The following BCR variants were observed in gnomAD, a reference collection of about 807,000 sequenced individuals.
BCR encodes BCR activator of RhoGEF and GTPase, also known as breakpoint cluster region protein.
BCR carries 58 observed loss-of-function variants against 138.6 expected under a neutral mutation model. The ratio of observed to expected loss-of-function variants is 0.42; its 90% confidence interval spans 0.34 to 0.52. BCR has a LOEUF of 0.52. Among genes scored for constraint, BCR ranks in the 20% least tolerant of loss-of-function variants. BCR has a pLI of 0.06. For missense variants in BCR, 1,599 were observed against 1,727.2 expected, an observed-to-expected ratio of 0.93 and a Z score of 1.32; for synonymous variants, 786 against 730.1, an observed-to-expected ratio of 1.08 and a Z score of -1.23.
At chr22:23,199,304 A>C (rs1223360666) in intron 1 of BCR, 1 of 518,822 alleles carries the variant, frequency 1.9e-6, no homozygotes, top group Admixed American at 1.9e-5. Flanking sequence ...GAAGCATCGG[A>C]GACTGGGTCC....
chr22:23,202,489 A>G (rs2072564062), intron 1 of BCR, among the ~76,000 whole-genome samples: 1 of 151,980 alleles, frequency 6.6e-6, no homozygotes, highest in Non-Finnish European at 1.5e-5. Flanking sequence ...GAAAATCTGT[A>G]CTCATTTCCA....
chr22:23,301,091 A>T (rs570518519), intron 16 of BCR, among the ~76,000 whole-genome samples: 2 of 152,238 alleles, frequency 1.3e-5, no homozygotes, highest in Non-Finnish European at 2.9e-5. Context: ...ATCATTTGAC[A>T]TCAGGAGTTC....
intron 9 of BCR, among the ~76,000 whole-genome samples, chr22:23,284,805 T>C (rs1318368894): frequency 1.3e-5 from 2 of 152,168 alleles, no homozygotes; most frequent in African/African-American, 4.8e-5. Context: ...GGATCTAGAC[T>C]CCTGAGATGC....
intron 16 of BCR, chr22:23,306,245 A>C (rs2073953530): frequency 6.6e-6 from 1 of 152,228 alleles, no homozygotes; most frequent in South Asian, 2.1e-4. Flanking sequence ...CAGCATCAGT[A>C]CCAGGTTGGA....
At position 23,312,840 on chromosome 22, in the gene BCR, C is replaced by T. The variant is rs369166973; in HGVS notation, c.3323-47C>T. 11 of 1,594,624 alleles carry T rather than the reference C, an allele frequency of 6.9e-6. No individual in the cohort carries two copies. In the African/African-American group the frequency reaches 1.1e-4, roughly 15 times the overall value. On this transcript the variant is annotated intron_variant, in intron 19 of 22. Transcript: ENST00000305877. ...GCCAAGGCAGGGATGGTGGGAGACT[C>T]ACTCGGGATCCTCAAGGAGGCCGCT...
chr22:23,273,398 CCTT>C (rs767804811), intron 7 of BCR, among the ~76,000 whole-genome samples: 7 of 152,196 alleles, frequency 4.6e-5, no homozygotes, highest in Non-Finnish European at 8.8e-5. Context: ...ACAGAGGAGT[CCTT>C]CTTGGCCATG....
At chr22:23,288,383 C>G (rs573087844) in intron 12 of BCR, among the ~76,000 whole-genome samples, 1 of 152,066 alleles carries the variant, frequency 6.6e-6, no homozygotes, top group South Asian at 2.1e-4. Context: ...CTGCCCCCAT[C>G]ACCTGGGCAC....
intron 10 of BCR, 39 bp from the exon 11 acceptor site, chr22:23,287,120 G>A (rs746845009): frequency 1.3e-5 from 21 of 1,563,808 alleles, no homozygotes; most frequent in East Asian, 4.7e-5. Flanking sequence ...TGTGTGGAGC[G>A]CTGGAATGGG....
chr22:23,227,671 C>A (rs2072910091), intron 1 of BCR, among the ~76,000 whole-genome samples: 1 of 152,272 alleles, frequency 6.6e-6, no homozygotes, highest in Non-Finnish European at 1.5e-5. Flanking sequence ...ATTCTCTCTC[C>A]TGTCACATCA....
At chr22:23,269,295 T>C (rs1195564532) in intron 5 of BCR, among the ~76,000 whole-genome samples, 2 of 152,224 alleles carry the variant, frequency 1.3e-5, no homozygotes, top group Non-Finnish European at 2.9e-5. Flanking sequence ...ATTTTCCTCT[T>C]TGGAGGCCCT....
At chr22:23,198,685 T>G (rs1196632030) in intron 1 of BCR, among the ~76,000 whole-genome samples, 1 of 152,042 alleles carries the variant, frequency 6.6e-6, no homozygotes, top group South Asian at 2.1e-4. Context: ...TGTGGGGCTG[T>G]GGAGCAGGGT....
At position 23,253,792 on chromosome 22, in the gene BCR, C is replaced by A; in HGVS notation, c.1280-7C>A. 1 of 1,607,658 alleles carries A rather than the reference C, an allele frequency of 6.2e-7. No homozygotes were observed. Among genetic ancestry groups the A allele is most frequent in the South Asian group, 1.1e-5 (1 of 90,622 alleles). ...CTCTAACACAGGATGCTTCTTTGCACACACAGATGGCTCGTTCGGAACACC... is the reference window on the plus strand; with the variant it reads ...CTCTAACACAGGATGCTTCTTTGCAAACACAGATGGCTCGTTCGGAACACC... On this transcript the variant is annotated splice_region_variant and splice_polypyrimidine_tract_variant and intron_variant, in intron 1 of 22. Coordinates refer to ENST00000305877, the MANE Select transcript of BCR (RefSeq NM_004327.4).
Position 23,263,957 on chromosome 22 carries a change from T to C in BCR, c.1752+2417T>C, listed in dbSNP as rs2073404329. ...CCCTGAAAATCTGGGACCTCAACAG[T>C]GGGCAGCTGATGACACACTTGGACA... On this transcript the variant is annotated intron_variant, in intron 4 of 22. Transcript: ENST00000305877. 4.4e-6 allele frequency: 4 copies of C among 901,344 alleles called. No homozygotes were observed. The East Asian group carries it at 9.6e-5, about 22-fold the overall frequency. 55.8% of individuals were successfully genotyped at this position (901,344 alleles called of 1,614,324 possible). A position where few individuals can be genotyped will look rare whatever the true frequency, so the allele number is the denominator to read the frequency against.
chr22:23,289,791 G>T, intron 13 of BCR, 170 bp downstream of exon 13: 2 of 643,778 alleles, frequency 3.1e-6, no homozygotes. Flanking sequence ...AGTGGACAAG[G>T]TGGGTTAGGA....
intron 1 of BCR, among the ~76,000 whole-genome samples, chr22:23,221,793 T>C (rs2267016): frequency 0.11 from 16,872 of 152,188 alleles, 1,101 homozygotes; most frequent in East Asian, 0.24. Context: ...TTGTCTTTGT[T>C]ATGAGAAGTG....
intron 1 of BCR, among the ~76,000 whole-genome samples, chr22:23,211,236 C>T (rs879625031): frequency 2.0e-5 from 3 of 152,110 alleles, no homozygotes; most frequent in East Asian, 1.9e-4. Flanking sequence ...CTTGCTCTGT[C>T]GCCCAGGCTG....
At chr22:23,219,936 G>A (rs141623585) in intron 1 of BCR, among the ~76,000 whole-genome samples, 30 of 152,272 alleles carry the variant, frequency 2.0e-4, no homozygotes, top group African/African-American at 7.0e-4. Context: ...TGTGTGCACC[G>A]CCTTCTCGCC....
At chr22:23,249,492 T>C (rs1488204575) in intron 1 of BCR, among the ~76,000 whole-genome samples, 1 of 151,536 alleles carries the variant, frequency 6.6e-6, no homozygotes, top group East Asian at 1.9e-4. Flanking sequence ...CCCAGCTACT[T>C]AGAAGGATCC....
chr22:23,299,642 C>T (rs1322701375), intron 16 of BCR, among the ~76,000 whole-genome samples: 1 of 151,684 alleles, frequency 6.6e-6, no homozygotes, highest in Non-Finnish European at 1.5e-5. Flanking sequence ...AGACATAAAA[C>T]ATACATCTGT....
Sources: allele counts gnomAD v4.1 joint callset (sites outside exome capture counted in the v4.1 genomes callset), GRCh38; gene constraint gnomAD v4.1.1; transcripts MANE v1.5; gene names NCBI Gene and HGNC (gene_info 2026-07-23, HGNC 2026-07-21).